The following NTM variants were observed in gnomAD, a reference collection of about 807,000 sequenced individuals.
NTM encodes the protein IgLON family member 2.
Under a neutral mutation model 42.1 loss-of-function variants are expected in NTM, and 13 were observed. The ratio of observed to expected loss-of-function variants is 0.31; its 90% CI spans 0.20 to 0.49. NTM has a LOEUF of 0.49. Among genes scored for constraint, NTM ranks in the 20% least tolerant of loss-of-function variants. The pLI, the probability that NTM is intolerant of heterozygous loss-of-function variation, is 0.99. For synonymous variants in NTM, 187 were observed against 179.2 expected (o/e 1.04, Z -0.35); for missense variants, 373 against 452.8 (o/e 0.82, Z 1.60).
At chr11:132,076,178 T>C (rs2136221670) in intron 2 of NTM, among the ~76,000 whole-genome samples, 1 of 152,332 alleles carries the variant, frequency 6.6e-6, no homozygotes. Flanking sequence ...TAGCTTCTAC[T>C]TGATTCTTGT....
At chr11:131,705,629 AT>A (rs1322344522) in intron 1 of NTM, among the ~76,000 whole-genome samples, 2 of 152,180 alleles carry the variant, frequency 1.3e-5, no homozygotes, top group African/African-American at 4.8e-5. Flanking sequence ...ATCATTAAAA[AT>A]AACCATAGCT....
At chr11:131,954,873 G>C (rs1351268186) in intron 2 of NTM, among the ~76,000 whole-genome samples, 2 of 151,860 alleles carry the variant, frequency 1.3e-5, no homozygotes, top group Non-Finnish European at 2.9e-5. Flanking sequence ...ACATCTTTCT[G>C]TTTCATTAAA....
chr11:131,897,980 C>A (rs1188723448), intron 1 of NTM, among the ~76,000 whole-genome samples: 1 of 152,134 alleles, frequency 6.6e-6, no homozygotes, highest in Non-Finnish European at 1.5e-5. Flanking sequence ...TTTATAAGAT[C>A]ATTTCTCAAA....
chr11:131,967,940 A>G (rs1357033812), intron 2 of NTM, among the ~76,000 whole-genome samples: 2 of 152,214 alleles, frequency 1.3e-5, no homozygotes, highest in African/African-American at 4.8e-5. Flanking sequence ...TCAGATAGAA[A>G]GATGGAAATG....
At chr11:131,480,358 T>A (rs1227179220) in intron 1 of NTM, among the ~76,000 whole-genome samples, 1 of 152,274 alleles carries the variant, frequency 6.6e-6, no homozygotes, top group Non-Finnish European at 1.5e-5. Context: ...AGCAGGATAC[T>A]ACCTTTCCTC....
At chr11:131,788,391 C>A (rs371502655) in intron 1 of NTM, among the ~76,000 whole-genome samples, 73 of 152,044 alleles carry the variant, frequency 4.8e-4, no homozygotes, top group African/African-American at 1.6e-3. Context: ...GAGATTTATA[C>A]CTAATACATC....
At chr11:131,797,534 T>C (rs2091700530) in intron 1 of NTM, among the ~76,000 whole-genome samples, 2 of 152,220 alleles carry the variant, frequency 1.3e-5, no homozygotes, top group South Asian at 4.1e-4. Flanking sequence ...CTCTAGTTGA[T>C]GACCCACTCT....
intron 4 of NTM, among the ~76,000 whole-genome samples, chr11:132,287,028 C>T (rs1021509695): frequency 2.0e-5 from 3 of 152,158 alleles, no homozygotes; most frequent in African/African-American, 7.2e-5. Context: ...CTTTAAATTC[C>T]TCCTTAGTGT....
At chr11:131,466,862 A>T (rs1200679440) in intron 1 of NTM, among the ~76,000 whole-genome samples, 2 of 152,180 alleles carry the variant, frequency 1.3e-5, no homozygotes, top group Non-Finnish European at 2.9e-5. Context: ...GGAAATTTGC[A>T]GACTTATTCC....
intron 1 of NTM, among the ~76,000 whole-genome samples, chr11:131,731,837 C>T (rs1284935300): frequency 6.6e-6 from 1 of 152,186 alleles, no homozygotes; most frequent in Non-Finnish European, 1.5e-5. Context: ...GCAGAAAAGA[C>T]TTCCTGAGCT....
chr11:131,459,864 A>G (rs1441897438), intron 1 of NTM, among the ~76,000 whole-genome samples: 1 of 152,184 alleles, frequency 6.6e-6, no homozygotes, highest in East Asian at 1.9e-4. Flanking sequence ...GCTGGGGTGG[A>G]TTAGTTATTA....
chr11:132,284,285 G>A (rs1565383515), intron 4 of NTM: 2 of 152,212 alleles, frequency 1.3e-5, no homozygotes, highest in Admixed American at 1.3e-4. Context: ...TACAAATTTG[G>A]AGGCCAGAAG....
At chr11:131,778,489 A>T (rs2087466594) in intron 1 of NTM, among the ~76,000 whole-genome samples, 1 of 152,200 alleles carries the variant, frequency 6.6e-6, no homozygotes, top group African/African-American at 2.4e-5. Context: ...GCTTGCTATT[A>T]TGAATTGAAT....
chr11:131,907,200 T>TC (rs2053989339), intron 1 of NTM, among the ~76,000 whole-genome samples: 2 of 152,212 alleles, frequency 1.3e-5, no homozygotes, highest in African/African-American at 4.8e-5. Flanking sequence ...TCTTTTCGTC[T>TC]CTTGTGTGTG....
intron 1 of NTM, among the ~76,000 whole-genome samples, chr11:131,667,928 A>G (rs1230362096): frequency 1.3e-5 from 2 of 152,192 alleles, no homozygotes; most frequent in Non-Finnish European, 2.9e-5. Flanking sequence ...TTGAACTCCA[A>G]GGGCACCTCT....
At chr11:131,809,880 G>A (rs116594167) in intron 1 of NTM, among the ~76,000 whole-genome samples, 2 of 152,150 alleles carry the variant, frequency 1.3e-5, no homozygotes, top group African/African-American at 2.4e-5. Flanking sequence ...TACGAGATTT[G>A]TTTCCAAATT....
intron 1 of NTM, among the ~76,000 whole-genome samples, chr11:131,420,724 G>T (rs1350108623): frequency 1.3e-5 from 2 of 152,194 alleles, no homozygotes; most frequent in African/African-American, 2.4e-5. Flanking sequence ...GCATCTGGAA[G>T]TGGGTGGGCT....
At chr11:131,710,286 AACT>A (rs760224802) in intron 1 of NTM, among the ~76,000 whole-genome samples, 9 of 152,152 alleles carry the variant, frequency 5.9e-5, no homozygotes, top group Non-Finnish European at 1.2e-4. Context: ...TATTTTTCAA[AACT>A]ACTTAATGAC....
chr11:131,586,530 T>G (rs1364065328), intron 1 of NTM, among the ~76,000 whole-genome samples: 1 of 152,114 alleles, frequency 6.6e-6, no homozygotes, highest in Non-Finnish European at 1.5e-5. Context: ...GAGGCAGATC[T>G]GCTCCTCCTC....
Sources: allele counts gnomAD v4.1 joint callset (sites outside exome capture counted in the v4.1 genomes callset), GRCh38; gene constraint gnomAD v4.1.1; transcripts MANE v1.5; gene names NCBI Gene and HGNC (gene_info 2026-07-23, HGNC 2026-07-21).